Variants in NBPF11 observed in about 807,000 individuals in gnomAD.
NBPF11 encodes the protein NBPF member 11.
A neutral mutation model predicts 93.9 loss-of-function variants in NBPF11; 72 were observed. That is an observed-to-expected ratio of 0.77 (90% CI 0.63 to 0.93). The LOEUF is 0.93. NBPF11 is among the 40% of genes least tolerant of loss of function. The pLI is 0.00. For missense variants in NBPF11, 705 were observed against 802.2 expected, an observed-to-expected ratio of 0.88 and a Z score of 1.46; for synonymous variants, 224 against 304.9, an observed-to-expected ratio of 0.73 and a Z score of 2.76.
intron 4 of NBPF11, among the ~76,000 whole-genome samples, chr1:148,133,992 A>T (rs1233240842): frequency 6.6e-6 from 1 of 151,936 alleles, no homozygotes; most frequent in Admixed American, 6.5e-5. Context: ...CCTTGTCTCT[A>T]GACAGCCAAG....
At chr1:148,148,439 ATCAGCTGGG>A in intron 1 of NBPF11, among the ~76,000 whole-genome samples, 1 of 152,178 alleles carries the variant, frequency 6.6e-6, no homozygotes, top group Admixed American at 6.5e-5. Flanking sequence ...CTGGTGCTGG[ATCAGCTGGG>A]TCAGGGGCCG....
intron 14 of NBPF11, among the ~76,000 whole-genome samples, chr1:148,115,483 A>G (rs1172475444): frequency 6.6e-6 from 1 of 151,072 alleles, no homozygotes; most frequent in African/African-American, 2.5e-5. Flanking sequence ...TCAGGGACAG[A>G]TGACTAAATC....
intron 1 of NBPF11, chr1:148,146,536 G>T: frequency 6.2e-7 from 1 of 1,603,514 alleles, no homozygotes; most frequent in Non-Finnish European, 8.5e-7. Flanking sequence ...GCCTGGTGGG[G>T]CCGGGGCCGC....
intron 14 of NBPF11, among the ~76,000 whole-genome samples, chr1:148,115,586 C>T (rs1558136143): frequency 1.3e-5 from 2 of 151,822 alleles, no homozygotes; most frequent in Admixed American, 1.3e-4. Flanking sequence ...GATTGTCACA[C>T]TTGCCTGGGG....
intron 10 of NBPF11, among the ~76,000 whole-genome samples, chr1:148,119,886 C>A (rs1296110836): frequency 6.6e-6 from 1 of 152,100 alleles, no homozygotes; most frequent in South Asian, 2.1e-4. Flanking sequence ...AAACTCCTGA[C>A]CTCGTGCTCT....
intron 13 of NBPF11, 149 bp downstream of exon 13, chr1:148,116,314 C>T (rs1666530721): frequency 1.9e-5 from 17 of 891,216 alleles, no homozygotes; most frequent in Middle Eastern, 3.3e-4. Flanking sequence ...ACAGCTGCCG[C>T]ACCCTGTGTC....
At chr1:148,142,482 A>G (rs1571493111) in intron 2 of NBPF11, among the ~76,000 whole-genome samples, 1 of 150,182 alleles carries the variant, frequency 6.7e-6, no homozygotes, top group African/African-American at 2.5e-5. Flanking sequence ...CTCCTTGTCC[A>G]CTCCAGAAGC....
intron 1 of NBPF11, chr1:148,147,003 G>T: frequency 7.3e-7 from 1 of 1,373,444 alleles, no homozygotes; most frequent in East Asian, 2.5e-5. Flanking sequence ...GGCTTCCCTG[G>T]GAGGAAGGTG....
At chr1:148,133,452 T>C (rs1173661593) in intron 4 of NBPF11, among the ~76,000 whole-genome samples, 1 of 152,184 alleles carries the variant, frequency 6.6e-6, no homozygotes, top group Non-Finnish European at 1.5e-5. Context: ...ACCTGTGGGT[T>C]CTTCAAATCT....
chr1:148,111,061 A>G (rs1400713449), intron 15 of NBPF11, among the ~76,000 whole-genome samples: 2 of 151,840 alleles, frequency 1.3e-5, no homozygotes, highest in Non-Finnish European at 2.9e-5. Context: ...CTCTCCCTGG[A>G]TTTAAACACA....
intron 3 of NBPF11, among the ~76,000 whole-genome samples, chr1:148,136,977 G>A (rs1671399258): frequency 6.6e-6 from 1 of 151,858 alleles, no homozygotes; most frequent in Non-Finnish European, 1.5e-5. Context: ...CCTCAGGGGA[G>A]AGGGTAAATG....
At chr1:148,116,822 G>C (rs1666672328) in intron 12 of NBPF11, among the ~76,000 whole-genome samples, 1 of 152,050 alleles carries the variant, frequency 6.6e-6, no homozygotes, top group Non-Finnish European at 1.5e-5. Flanking sequence ...TTTGGCAGCT[G>C]TCTCCCCCAT....
intron 1 of NBPF11, among the ~76,000 whole-genome samples, chr1:148,151,061 T>A (rs2149320931): frequency 6.6e-6 from 1 of 151,922 alleles, no homozygotes; most frequent in Non-Finnish European, 1.5e-5. Flanking sequence ...CTCGCTTGGT[T>A]AACTCTTGGG....
chr1:148,113,356 A>T (rs1303142828), intron 15 of NBPF11, among the ~76,000 whole-genome samples: 2 of 151,916 alleles, frequency 1.3e-5, no homozygotes, highest in South Asian at 2.1e-4. Context: ...ACCAACAAAG[A>T]TCAAAAGAGA....
At chr1:148,130,333 T>TGATTTTCAAG (rs1455942583) in intron 4 of NBPF11, among the ~76,000 whole-genome samples, 2 of 145,024 alleles carry the variant, frequency 1.4e-5, no homozygotes, top group Non-Finnish European at 3.0e-5. Flanking sequence ...CTAGGTTCTT[T>TGATTTTCAAG]GATTTTCAAA....
chr1:148,119,277 CTA>C (rs1667269715), intron 10 of NBPF11, among the ~76,000 whole-genome samples: 1 of 150,662 alleles, frequency 6.6e-6, no homozygotes, highest in Non-Finnish European at 1.5e-5. Context: ...GAAGGAAATC[CTA>C]TGCCCAAATG....
chr1:148,141,432 C>A (rs1672152881), intron 2 of NBPF11, among the ~76,000 whole-genome samples: 1 of 152,048 alleles, frequency 6.6e-6, no homozygotes, highest in Non-Finnish European at 1.5e-5. Flanking sequence ...CTATCTACTC[C>A]ATTTTTCTGT....
chr1:148,109,570 T>G (rs1351269544), intron 16 of NBPF11, among the ~76,000 whole-genome samples: 1 of 147,342 alleles, frequency 6.8e-6, no homozygotes, highest in African/African-American at 2.6e-5. Flanking sequence ...CCCTATGTGC[T>G]CTGTCCTAGG....
rs1553273172 is a variant in NBPF11, at chr1:148,126,790, C to T, written c.175+39G>A. The T allele has an allele frequency of 1.6e-5, 25 of 1,601,814 alleles. 1 individual carries two copies. In the African/African-American group the frequency reaches 2.6e-4, roughly 16 times the overall value. ...GATGGAGAGAGCATTTAGTGTCTCA[C>T]ATTCATCACTTTCATGATGGTGAGC... On this transcript the variant is annotated intron_variant, in intron 5 of 23. Transcript: ENST00000682118.
Sources: gnomAD v4.1 joint callset for allele counts (sites outside exome capture counted in the v4.1 genomes callset) on GRCh38, gnomAD v4.1.1 for gene constraint, MANE v1.5 for transcripts, NCBI Gene and HGNC (gene_info 2026-07-23, HGNC 2026-07-21) for gene names.